The following FILIP1L variants were observed in gnomAD, a reference collection of about 807,000 sequenced individuals.
FILIP1L encodes the protein filamin A-interacting protein 1-like.
A neutral mutation model predicts 96.6 loss-of-function variants in FILIP1L; 55 were observed. That is an observed-to-expected ratio of 0.57 (90% CI 0.46 to 0.71). The LOEUF (loss-of-function observed/expected upper bound fraction) is 0.71. FILIP1L is among the 30% of genes least tolerant of loss of function. The probability of loss-of-function intolerance (pLI) is 0.00; values close to 1 mark genes in which losing one functional copy is unlikely to be tolerated. For missense variants in FILIP1L, 1,304 were observed against 1,321.2 expected (o/e 0.99, Z 0.20); for synonymous variants, 467 against 473.9 (o/e 0.99, Z 0.19).
intron 1 of FILIP1L, among the ~76,000 whole-genome samples, chr3:99,941,412 C>T (rs1025640502): frequency 1.3e-5 from 2 of 152,156 alleles, no homozygotes; most frequent in Admixed American, 1.3e-4. Flanking sequence ...CTTAGTAAAG[C>T]CATCTCAGAG....
At chr3:100,086,045 C>A (rs190674094) in intron 1 of FILIP1L, among the ~76,000 whole-genome samples, 1 of 152,272 alleles carries the variant, frequency 6.6e-6, no homozygotes, top group East Asian at 1.9e-4. Context: ...AAATATGATT[C>A]GTGTTAGAGA....
chr3:99,969,656 G>A (rs1003926348), intron 1 of FILIP1L, among the ~76,000 whole-genome samples: 2 of 152,150 alleles, frequency 1.3e-5, no homozygotes, highest in Admixed American at 6.5e-5. Context: ...GCAAAGGCAC[G>A]GGGAGCCTGG....
At chr3:100,093,365 C>T (rs1204862859) in intron 1 of FILIP1L, among the ~76,000 whole-genome samples, 1 of 151,966 alleles carries the variant, frequency 6.6e-6, no homozygotes, top group African/African-American at 2.4e-5. Context: ...TATACTACCA[C>T]CTAGGGATAA....
intron 1 of FILIP1L, among the ~76,000 whole-genome samples, chr3:99,952,893 A>G (rs145569363): frequency 5.4e-4 from 82 of 152,306 alleles, no homozygotes; most frequent in African/African-American, 1.9e-3. Context: ...AAAGAATGCT[A>G]TAGAGGTATA....
intron 4 of FILIP1L, among the ~76,000 whole-genome samples, chr3:99,894,893 G>A (rs1706199411): frequency 1.3e-5 from 2 of 152,110 alleles, no homozygotes; most frequent in Non-Finnish European, 2.9e-5. Flanking sequence ...GCTATATTTA[G>A]GTCAGCTAGC....
intron 1 of FILIP1L, among the ~76,000 whole-genome samples, chr3:100,034,085 A>T (rs1160209778): frequency 6.6e-6 from 1 of 152,206 alleles, no homozygotes. Context: ...TAATACACTT[A>T]AGAAAAGAAG....
chr3:99,897,973 T>C (rs1706313092), intron 4 of FILIP1L, among the ~76,000 whole-genome samples: 2 of 152,210 alleles, frequency 1.3e-5, no homozygotes, highest in African/African-American at 4.8e-5. Flanking sequence ...AGAAAAGATA[T>C]CCTACCTCCA....
At chr3:100,098,539 A>G (rs982436166) in intron 1 of FILIP1L, among the ~76,000 whole-genome samples, 1 of 152,332 alleles carries the variant, frequency 6.6e-6, no homozygotes, top group East Asian at 1.9e-4. Context: ...TGACTCTATA[A>G]GTTTTATTTG....
At chr3:100,045,299 T>C (rs183649164) in intron 1 of FILIP1L, among the ~76,000 whole-genome samples, 2 of 152,350 alleles carry the variant, frequency 1.3e-5, no homozygotes, top group African/African-American at 2.4e-5. Context: ...AAGCACTCAA[T>C]ATATGGTAAT....
intron 5 of FILIP1L, among the ~76,000 whole-genome samples, chr3:99,833,785 T>G (rs1942783527): frequency 6.6e-6 from 1 of 152,208 alleles, no homozygotes; most frequent in Non-Finnish European, 1.5e-5. Flanking sequence ...TATGTGGTAA[T>G]TGAGGTGGTG....
Position 99,978,627 on chromosome 3 carries a change from G to T in FILIP1L, c.-10-47597C>A, listed in dbSNP as rs550692547. 2.2e-4 allele frequency among the ~76,000 whole-genome samples: 34 copies of T among 152,212 alleles called. No homozygotes were observed. The South Asian group carries it at 6.4e-3, about 29-fold the overall frequency. On this transcript the variant is annotated intron_variant, in intron 1 of 5. Transcript: ENST00000477258. Reference sequence around the variant, plus strand: ...TAGGGAGTAGAGGCTGGGCACCAGGGCTCTCCCCTGTAATCCCAGGACTTT... The same window carrying T: ...TAGGGAGTAGAGGCTGGGCACCAGGTCTCTCCCCTGTAATCCCAGGACTTT...
In FILIP1L at chr3:99,848,853, C is replaced by T. The variant is rs372889125; in HGVS notation, c.2823G>A (p.Thr941=). 1.2e-5 allele frequency: 19 copies of T among 1,613,810 alleles called. No individual in the cohort carries two copies. Among genetic ancestry groups the T allele is most frequent in the African/African-American group, 2.7e-5 (2 of 74,864 alleles). Residue 941 remains threonine (T), a synonymous_variant, in exon 5 of 6, where the codon ACG becomes ACA. Transcript: ENST00000477258. The part of the protein sequence containing the change: ...TSTAVIPNCG[T]PKQRITILQN... ...GGAGGATGGTTATCCTTTGCTTTGG[C>T]GTGCCACAGTTCGGTATCACTGCAG...
chr3:99,995,537 C>T (rs1025388650), intron 1 of FILIP1L, among the ~76,000 whole-genome samples: 1 of 152,198 alleles, frequency 6.6e-6, no homozygotes, highest in Non-Finnish European at 1.5e-5. Flanking sequence ...CTCCACTAGG[C>T]AGTGCCCAAG....
intron 4 of FILIP1L, among the ~76,000 whole-genome samples, chr3:99,893,342 T>A (rs1049999872): frequency 6.6e-6 from 1 of 152,000 alleles, no homozygotes; most frequent in African/African-American, 2.4e-5. Flanking sequence ...ATTTTTTGTA[T>A]TTTTAGTGGA....
rs1942600551 is a variant in FILIP1L, at chr3:99,829,313, G to T, written c.*1101C>A. 6.6e-6 allele frequency among the ~76,000 whole-genome samples: 1 copy of T among 152,054 alleles called. No homozygotes were observed. The highest frequency in any genetic ancestry group is 2.4e-5 in the African/African-American group (1 of 41,400). On this transcript the variant is annotated 3_prime_UTR_variant, in exon 6 of 6. Transcript: ENST00000477258. Reference sequence around the variant, plus strand: ...AACATGCCTTGTCTTAAAATGTCCTGTATTACTCTGTCCACACTGAATTAC... The same window carrying T: ...AACATGCCTTGTCTTAAAATGTCCTTTATTACTCTGTCCACACTGAATTAC...
chr3:99,888,302 G>A (rs1055207718), intron 4 of FILIP1L, among the ~76,000 whole-genome samples: 6 of 152,002 alleles, frequency 3.9e-5, no homozygotes, highest in African/African-American at 1.4e-4. Context: ...GAAGGTTGAG[G>A]CTACAGTGAG....
At position 99,851,868 on chromosome 3, in the gene FILIP1L, G is replaced by C. The variant is rs9871500; in HGVS notation, c.606-798C>G. Among the ~76,000 whole-genome samples, 761 of 152,302 alleles carry C rather than the reference G, an allele frequency of 5.0e-3. 6 individuals are homozygous for C. The highest frequency in any genetic ancestry group is 0.017 in the African/African-American group (718 of 41,568). ...TCCTCATAGTGGATAGCAATTAAAT[G>C]AGGAGAATTGAGAGACATCTGTATG... is the stretch of plus-strand genomic sequence containing the variant. On this transcript the variant is annotated intron_variant, in intron 4 of 5. Coordinates refer to ENST00000477258, the MANE Select transcript of FILIP1L (RefSeq NM_001387850.1).
At chr3:99,925,838 TAGAC>T in intron 3 of FILIP1L, 1 of 985,314 alleles carries the variant, frequency 1.0e-6, no homozygotes, top group East Asian at 1.1e-4. Flanking sequence ...CAGATGGAGT[TAGAC>T]AGCCAAGCTC....
intron 4 of FILIP1L, among the ~76,000 whole-genome samples, chr3:99,920,403 CCA>C (rs1265609966): frequency 1.1e-4 from 16 of 152,136 alleles, no homozygotes; most frequent in African/African-American, 3.9e-4. Context: ...TACTGTGAAG[CCA>C]CACAGAAAGG....
Sources: allele counts gnomAD v4.1 joint callset (sites outside exome capture counted in the v4.1 genomes callset), GRCh38; gene constraint gnomAD v4.1.1; transcripts MANE v1.5; gene names NCBI Gene and HGNC (gene_info 2026-07-23, HGNC 2026-07-21).